HPD: variants seen among roughly 807,000 people sequenced by gnomAD.
HPD encodes 4-hydroxyphenylpyruvic acid oxidase.
HPD carries 35 observed loss-of-function variants against 56.9 expected under a neutral mutation model. The observed-to-expected ratio is 0.62, with a 90% CI of 0.47 to 0.82. The LOEUF is 0.82. Ranked by LOEUF, HPD falls within the 40% of genes least tolerant of loss-of-function variation. The pLI is 0.00. For synonymous variants in HPD, 186 were observed against 200.2 expected (o/e 0.93, Z 0.60); for missense variants, 442 against 506.8 (o/e 0.87, Z 1.23).
intron 12 of HPD, among the ~76,000 whole-genome samples, chr12:121,842,429 C>G (rs188394351): frequency 2.6e-4 from 40 of 151,882 alleles, no homozygotes; most frequent in Admixed American, 4.6e-4. Context: ...CTGTGTCTGG[C>G]CTAACTGTTT....
chr12:121,884,620 T>G, the HPD span, among the ~76,000 whole-genome samples: 1 of 152,122 alleles, frequency 6.6e-6, no homozygotes, highest in African/African-American at 2.4e-5. Flanking sequence ...TCTCTCTCTC[T>G]CTTTTGACAA....
chr12:121,841,940 C>T (rs1013561869), intron 12 of HPD, among the ~76,000 whole-genome samples: 1 of 152,096 alleles, frequency 6.6e-6, no homozygotes, highest in East Asian at 1.9e-4. Context: ...ACCTCAGCCT[C>T]CCAAAGTGCT....
intron 12 of HPD, among the ~76,000 whole-genome samples, chr12:121,842,894 T>C (rs2137610091): frequency 6.6e-6 from 1 of 151,944 alleles, no homozygotes; most frequent in East Asian, 1.9e-4. Flanking sequence ...ATTACAGGCA[T>C]GTGTCACCAC....
At chr12:121,864,412 C>T (rs1878266183), upstream of HPD, among the ~76,000 whole-genome samples, 1 of 151,224 alleles carries the variant, frequency 6.6e-6, no homozygotes, top group African/African-American at 2.4e-5. Flanking sequence ...AAGTAGCCGG[C>T]TATAGTGGTG....
At chr12:121,851,699 A>ATTTTTTTTTTT (rs1284294966) in intron 7 of HPD, among the ~76,000 whole-genome samples, 1 of 12,394 alleles carries the variant, frequency 8.1e-5, no homozygotes, top group Non-Finnish European at 1.8e-4. Flanking sequence ...TTATTTATTT[A>ATTTTTTTTTTT]TTTTTTTTTT....
chr12:121,843,288 T>TC (rs1236320990), intron 12 of HPD, among the ~76,000 whole-genome samples: 2 of 152,146 alleles, frequency 1.3e-5, no homozygotes, highest in African/African-American at 2.4e-5. Context: ...AAAAACAGCC[T>TC]CCCATCCACT....
chr12:121,875,165 C>T, the HPD span, among the ~76,000 whole-genome samples: 4 of 152,222 alleles, frequency 2.6e-5, no homozygotes, highest in South Asian at 2.1e-4. Context: ...GCTGAAACTA[C>T]TGTAGCCTGC....
chr12:121,885,781 G>C, the HPD span, among the ~76,000 whole-genome samples: 9 of 151,554 alleles, frequency 5.9e-5, no homozygotes, highest in Admixed American at 1.3e-4. Flanking sequence ...TGGCCAACAT[G>C]GTGAAACCTT....
At position 121,839,833 on chromosome 12, in the gene HPD, A is replaced by C; in HGVS notation, c.1077T>G (p.Phe359Leu). 1 of 1,613,996 alleles carries C rather than the reference A, an allele frequency of 6.2e-7. No individual in the cohort carries two copies. Among genetic ancestry groups the C allele is most frequent in the Non-Finnish European group, 8.5e-7 (1 of 1,179,814 alleles). Residue 359 changes from phenylalanine (F) to leucine (L), a missense_variant, in exon 14 of 14, where the codon TTT (phenylalanine) becomes TTG (leucine). By Grantham distance (22) the Phe-to-Leu change is conservative. Transcript: ENST00000289004. ...ACAGTGAGTTGAAGTTGCCGGCTCC[A>C]AAACCCTGTGGCGGGAAAGAGAGGA... Reference protein sequence around the residue: ...EVIQRHNHQGFGAGNFNSLFK... With the variant: ...EVIQRHNHQGLGAGNFNSLFK...
intron 9 of HPD, among the ~76,000 whole-genome samples, chr12:121,847,542 T>C (rs986261852): frequency 6.6e-6 from 1 of 151,626 alleles, no homozygotes; most frequent in Admixed American, 6.6e-5. Flanking sequence ...GGTATTTTTA[T>C]TTTTTGTTTT....
chr12:121,850,088 T>C, intron 7 of HPD: 2 of 409,400 alleles, frequency 4.9e-6, no homozygotes, highest in Non-Finnish European at 9.3e-6. Context: ...TTTCAGTAGG[T>C]CAACTAGATG....
At chr12:121,853,053 T>C (rs1265778287) in intron 7 of HPD, among the ~76,000 whole-genome samples, 1 of 152,160 alleles carries the variant, frequency 6.6e-6, no homozygotes, top group Non-Finnish European at 1.5e-5. Context: ...GAAGCCGTTA[T>C]CCTCAGCAAA....
At chr12:121,840,181 A>C in intron 12 of HPD, 133 bp from the exon 13 acceptor site, 1 of 729,246 alleles carries the variant, frequency 1.4e-6, no homozygotes. Flanking sequence ...CTCCAAATAT[A>C]TCCCCAAACT....
chr12:121,862,576 C>A (rs1198507118), upstream of HPD, among the ~76,000 whole-genome samples: 6 of 119,974 alleles, frequency 5.0e-5, 1 homozygote, highest in South Asian at 1.8e-3. Flanking sequence ...GGATTACAGG[C>A]GTGAGCCACC....
chr12:121,863,191 C>T (rs530560079), upstream of HPD, among the ~76,000 whole-genome samples: 1 of 151,730 alleles, frequency 6.6e-6, no homozygotes, highest in Non-Finnish European at 1.5e-5. Flanking sequence ...GCCATGTTGG[C>T]GAGGCTGATC....
At chr12:121,884,084 C>A in the HPD span, among the ~76,000 whole-genome samples, 1 of 151,914 alleles carries the variant, frequency 6.6e-6, no homozygotes, top group Admixed American at 6.6e-5. Flanking sequence ...TCAATTGGCC[C>A]AGTAAGTCTT....
At chr12:121,865,299 C>A (rs542129620), upstream of HPD, among the ~76,000 whole-genome samples, 23 of 151,398 alleles carry the variant, frequency 1.5e-4, no homozygotes, top group African/African-American at 5.3e-4. Flanking sequence ...GACAGAGTTT[C>A]GCTTTTGTTG....
the HPD span, among the ~76,000 whole-genome samples, chr12:121,876,593 G>A: frequency 6.6e-6 from 1 of 152,056 alleles, no homozygotes; most frequent in Non-Finnish European, 1.5e-5. Flanking sequence ...CCCAGCCATC[G>A]ATCCCTTTCA....
At chr12:121,846,240 GAATTTC>G (rs1273791609) in intron 11 of HPD, among the ~76,000 whole-genome samples, 3 of 152,080 alleles carry the variant, frequency 2.0e-5, no homozygotes, top group African/African-American at 7.2e-5. Flanking sequence ...TTCTAAAGCA[GAATTTC>G]ACTCTTGTCG....
Sources: gnomAD v4.1 joint callset for allele counts (sites outside exome capture counted in the v4.1 genomes callset) on GRCh38, gnomAD v4.1.1 for gene constraint, MANE v1.5 for transcripts, NCBI Gene and HGNC (gene_info 2026-07-23, HGNC 2026-07-21) for gene names.